SPPL2B: variants seen among roughly 807,000 people sequenced by gnomAD.
SPPL2B encodes signal peptide peptidase-like 2B.
SPPL2B carries 39 observed loss-of-function variants against 59.7 expected under a neutral mutation model. The ratio of observed to expected loss-of-function variants is 0.65; its 90% CI spans 0.51 to 0.85. The LOEUF is 0.85. SPPL2B is among the 40% of genes least tolerant of loss of function. The probability of loss-of-function intolerance (pLI) is 0.00; values close to 1 mark genes in which losing one functional copy is unlikely to be tolerated. For missense variants in SPPL2B, 865 were observed against 849.0 expected, an observed-to-expected ratio of 1.02 and a Z score of -0.23; for synonymous variants, 419 against 370.8, an observed-to-expected ratio of 1.13 and a Z score of -1.49.
intron 13 of SPPL2B, among the ~76,000 whole-genome samples, chr19:2,349,312 C>T (rs1212709518): frequency 2.3e-5 from 3 of 128,170 alleles, no homozygotes; most frequent in Non-Finnish European, 3.3e-5. Flanking sequence ...TCCACACACA[C>T]GCGCTCTCAT....
chr19:2,338,908 CG>C (rs1346138820), intron 4 of SPPL2B, 67 bp downstream of exon 4: 50 of 1,546,676 alleles, frequency 3.2e-5, no homozygotes, highest in Non-Finnish European at 3.7e-5. Flanking sequence ...GGCTGGCTGC[CG>C]GGGGGGTTTG....
intron 13 of SPPL2B, among the ~76,000 whole-genome samples, chr19:2,349,760 C>G: frequency 6.9e-6 from 1 of 145,770 alleles, no homozygotes; most frequent in Non-Finnish European, 1.5e-5. Flanking sequence ...CACATGCGCT[C>G]TCATTTGCTT....
chr19:2,328,860 G>C, intron 1 of SPPL2B, 85 bp downstream of exon 1: 2 of 1,193,800 alleles, frequency 1.7e-6, no homozygotes, highest in Admixed American at 4.2e-5. Flanking sequence ...GAACGACCCC[G>C]CTCGGCCCGT....
At chr19:2,328,799 G>C (rs1166468827) in intron 1 of SPPL2B, 24 bp downstream of exon 1, 11 of 1,360,818 alleles carry the variant, frequency 8.1e-6, no homozygotes, top group Non-Finnish European at 9.4e-6. Flanking sequence ...CGGTCCCGAC[G>C]GCACCGCGGG....
At chr19:2,330,143 C>G (rs1262405946) in intron 1 of SPPL2B, among the ~76,000 whole-genome samples, 1 of 151,910 alleles carries the variant, frequency 6.6e-6, no homozygotes, top group Admixed American at 6.6e-5. Context: ...GAGTCTCGCT[C>G]TGTCGCCCAG....
intron 1 of SPPL2B, among the ~76,000 whole-genome samples, chr19:2,331,945 C>G (rs551664415): frequency 6.6e-6 from 1 of 152,368 alleles, no homozygotes; most frequent in Non-Finnish European, 1.5e-5. Context: ...TGGCCTCTGC[C>G]GTGACCCATA....
At chr19:2,348,770 C>T (rs1369511609) in intron 13 of SPPL2B, among the ~76,000 whole-genome samples, 113 of 133,978 alleles carry the variant, frequency 8.4e-4, no homozygotes, top group African/African-American at 1.1e-3. Flanking sequence ...CACTCACGCG[C>T]TCTCATTCGC....
At chr19:2,348,181 C>G (rs1256552366) in intron 13 of SPPL2B, among the ~76,000 whole-genome samples, 7 of 127,048 alleles carry the variant, frequency 5.5e-5, no homozygotes, top group East Asian at 2.5e-4. Flanking sequence ...CACTCGCGCT[C>G]TCATTCGCTT....
At chr19:2,340,659 A>G (rs1968974976) in intron 7 of SPPL2B, 1 of 575,312 alleles carries the variant, frequency 1.7e-6, no homozygotes, top group South Asian at 2.1e-5. Flanking sequence ...GAAGGGGCGC[A>G]GCGCAGGCGA....
chr19:2,343,247 C>T lies in SPPL2B; in HGVS notation c.993C>T (p.Ala331=), dbSNP rs773003652. 9.6e-5 allele frequency: 150 copies of T among 1,556,666 alleles called. 1 individual carries two copies. The South Asian group carries it at 1.1e-3, about 11-fold the overall frequency. ...AWVLQDALGI[A]FCLYMLKTIR... The stretch of plus-strand genomic sequence containing the variant: ...TCCTCCAGGATGCCCTGGGCATCGC[C>T]TTCTGCCTCTACATGCTGAAGACCA... Residue 331 remains alanine (A), a synonymous_variant, in exon 9 of 15, where the codon GCC becomes GCT. Coordinates refer to ENST00000613503, the MANE Select transcript of SPPL2B (RefSeq NM_152988.3).
intron 11 of SPPL2B, 64 bp from the exon 12 acceptor site, chr19:2,344,489 G>C (rs1314925501): frequency 3.8e-6 from 6 of 1,567,130 alleles, no homozygotes; most frequent in Non-Finnish European, 5.2e-6. Flanking sequence ...AGCGGATAGG[G>C]CTCGAGGCAT....
Position 2,354,890 on chromosome 19 carries a change from C to A in SPPL2B, c.*1681C>A, listed in dbSNP as rs769569818. 6.6e-6 allele frequency: 1 copy of A among 152,274 alleles called. No individual in the cohort carries two copies. Among genetic ancestry groups the A allele is most frequent in the East Asian group, 1.9e-4 (1 of 5,194 alleles). 9.4% of individuals were successfully genotyped at this position (152,274 alleles called of 1,614,324 possible). On this transcript the variant is annotated 3_prime_UTR_variant, in exon 15 of 15. Coordinates refer to ENST00000613503, the MANE Select transcript of SPPL2B (RefSeq NM_152988.3). Reference sequence around the variant, plus strand: ...TGAGCAGAACTGAGAGCTGGCAGGCCGCCTGGCTGTCCTGCAGAGGACGGA... The same window carrying A: ...TGAGCAGAACTGAGAGCTGGCAGGCAGCCTGGCTGTCCTGCAGAGGACGGA...
rs1568426703 is a variant in SPPL2B, at chr19:2,332,052, A to G, written c.67-2550A>G. On this transcript the variant is annotated intron_variant, in intron 1 of 14. Coordinates refer to ENST00000613503, the MANE Select transcript of SPPL2B (RefSeq NM_152988.3). The surrounding 1 kb of genome is among the most constrained non-coding windows in gnomAD (Gnocchi z 4.6). ...CAGACTAAGGGGTGCTCTCACGGGC[A>G]GGCAGTCTGGTGGGCAGAACTGGAA... is the stretch of plus-strand genomic sequence containing the variant. 6.6e-6 allele frequency among the ~76,000 whole-genome samples: 1 copy of G among 152,234 alleles called. No homozygotes were observed. Among genetic ancestry groups the G allele is most frequent in the Non-Finnish European group, 1.5e-5 (1 of 68,032 alleles).
intron 1 of SPPL2B, among the ~76,000 whole-genome samples, 191 bp from the exon 2 acceptor site, chr19:2,334,411 G>T (rs532594608): frequency 1.3e-5 from 2 of 152,330 alleles, no homozygotes; most frequent in African/African-American, 4.8e-5. Context: ...AGCCAGTCTG[G>T]GTCTTTGCTG....
Position 2,334,595 on chromosome 19 carries a change from C to T in SPPL2B, c.67-7C>T, listed in dbSNP as rs778067193. On this transcript the variant is annotated splice_polypyrimidine_tract_variant and splice_region_variant and intron_variant, in intron 1 of 14. Transcript: ENST00000613503. The stretch of plus-strand genomic sequence containing the variant: ...CTGTGGCTCTGACTGCTGGCCTTGT[C>T]CTGCAGGTGGCCTGTGAGTACGGCA... The T allele has an allele frequency of 6.2e-7, 1 of 1,607,522 alleles. No homozygotes were observed. Among genetic ancestry groups the T allele is most frequent in the Non-Finnish European group, 8.5e-7 (1 of 1,177,388 alleles).
intron 9 of SPPL2B, among the ~76,000 whole-genome samples, chr19:2,343,625 C>T (rs1262626675): frequency 6.6e-6 from 1 of 152,088 alleles, no homozygotes; most frequent in Non-Finnish European, 1.5e-5. Context: ...CAGGCGGCTG[C>T]ACTCCCGTGA....
chr19:2,334,889 C>A (rs1968475449), intron 2 of SPPL2B, among the ~76,000 whole-genome samples, 168 bp downstream of exon 2: 1 of 152,182 alleles, frequency 6.6e-6, no homozygotes, highest in Non-Finnish European at 1.5e-5. Flanking sequence ...CCTCCCCAAC[C>A]CTGGTCATCA....
At chr19:2,336,707 C>T (rs1294637410) in intron 2 of SPPL2B, among the ~76,000 whole-genome samples, 2 of 149,950 alleles carry the variant, frequency 1.3e-5, no homozygotes, top group African/African-American at 2.5e-5. Flanking sequence ...CATGTGTGTG[C>T]TTGCGTGTGC....
intron 13 of SPPL2B, 22 bp downstream of exon 13, chr19:2,345,352 G>T (rs376240147): frequency 1.2e-5 from 20 of 1,607,156 alleles, no homozygotes; most frequent in Non-Finnish European, 1.7e-5. Context: ...GGTTGGGCCC[G>T]TGCTGGCCTC....
Sources: allele counts gnomAD v4.1 joint callset (sites outside exome capture counted in the v4.1 genomes callset), GRCh38; gene constraint gnomAD v4.1.1; non-coding constraint Gnocchi (gnomAD v3.1); transcripts MANE v1.5; gene names NCBI Gene and HGNC (gene_info 2026-07-23, HGNC 2026-07-21).